The following DPYD variants were observed in gnomAD, a reference collection of about 807,000 sequenced individuals.
The protein encoded by DPYD is dihydropyrimidine dehydrogenase [NADP(+)].
In DPYD, 109 loss-of-function variants were observed where a neutral mutation model predicts 116.2. That is an observed-to-expected ratio of 0.94 (90% CI 0.80 to 1.10). DPYD has a LOEUF of 1.10. Ranked by LOEUF, DPYD falls within the 50% of genes least tolerant of loss-of-function variation. The probability of loss-of-function intolerance (pLI) is 0.00; values close to 1 mark genes in which losing one functional copy is unlikely to be tolerated. For synonymous variants in DPYD, 440 were observed against 432.0 expected, an observed-to-expected ratio of 1.02 and a Z score of -0.23; for missense variants, 1,302 against 1,254.5, an observed-to-expected ratio of 1.04 and a Z score of -0.57.
intron 5 of DPYD, among the ~76,000 whole-genome samples, chr1:97,707,400 G>A (rs930729959): frequency 6.0e-5 from 9 of 151,212 alleles, no homozygotes; most frequent in Non-Finnish European, 1.0e-4. Flanking sequence ...CCACTAACTC[G>A]TCATCTAGCA....
chr1:97,813,160 A>G (rs1245389964), intron 3 of DPYD, among the ~76,000 whole-genome samples: 1 of 152,148 alleles, frequency 6.6e-6, no homozygotes, highest in Admixed American at 6.5e-5. Context: ...GCAATCATCT[A>G]CCTTTAATTA....
chr1:97,355,774 T>C (rs746187779), intron 16 of DPYD, among the ~76,000 whole-genome samples: 4 of 152,210 alleles, frequency 2.6e-5, no homozygotes, highest in African/African-American at 9.6e-5. Flanking sequence ...TTTTTAAGGC[T>C]GAATAGTAGT....
At chr1:97,575,332 G>A (rs1408125326) in intron 10 of DPYD, among the ~76,000 whole-genome samples, 1 of 152,028 alleles carries the variant, frequency 6.6e-6, no homozygotes, top group Non-Finnish European at 1.5e-5. Flanking sequence ...TATCATAATG[G>A]TCTTGTCCCT....
At chr1:97,789,092 T>A (rs1490220047) in intron 3 of DPYD, among the ~76,000 whole-genome samples, 1 of 152,142 alleles carries the variant, frequency 6.6e-6, no homozygotes, top group Admixed American at 6.6e-5. Context: ...AGCTGTTTAA[T>A]GCAAACACCT....
chr1:97,204,958 G>T (rs997082117), intron 19 of DPYD, among the ~76,000 whole-genome samples: 2 of 151,764 alleles, frequency 1.3e-5, no homozygotes, highest in African/African-American at 4.8e-5. Context: ...GATTTAAAGG[G>T]TCCCTTTTGG....
chr1:97,707,878 A>C (rs1662070247), intron 5 of DPYD, among the ~76,000 whole-genome samples: 1 of 151,908 alleles, frequency 6.6e-6, no homozygotes, highest in Non-Finnish European at 1.5e-5. Context: ...GTTGTAAGAG[A>C]CTTTTGGACA....
intron 4 of DPYD, among the ~76,000 whole-genome samples, chr1:97,729,584 A>G (rs1406451691): frequency 1.3e-5 from 2 of 152,150 alleles, no homozygotes; most frequent in African/African-American, 4.8e-5. Context: ...AATAAGAAAT[A>G]CAGAAAGAAA....
chr1:97,374,406 A>T (rs1671480916), intron 15 of DPYD, among the ~76,000 whole-genome samples: 1 of 152,160 alleles, frequency 6.6e-6, no homozygotes, highest in Non-Finnish European at 1.5e-5. Flanking sequence ...AAGAACATGA[A>T]GAATAAACAA....
chr1:97,589,076 G>T (rs185916870), intron 10 of DPYD, among the ~76,000 whole-genome samples: 2 of 152,270 alleles, frequency 1.3e-5, no homozygotes, highest in Admixed American at 1.3e-4. Context: ...AGCAATCTGT[G>T]TTTAACAAGC....
At chr1:97,593,507 T>C (rs1469161824) in intron 9 of DPYD, 120 bp from the exon 10 acceptor site, 2 of 1,126,674 alleles carry the variant, frequency 1.8e-6, no homozygotes, top group Non-Finnish European at 2.6e-6. Context: ...CAGGATGAAG[T>C]GTCACTATCA....
At chr1:97,125,012 A>G (rs1652726242) in intron 20 of DPYD, among the ~76,000 whole-genome samples, 1 of 152,082 alleles carries the variant, frequency 6.6e-6, no homozygotes, top group Admixed American at 6.6e-5. Context: ...TAAAACTGCA[A>G]CTTCAAAACT....
chr1:97,561,134 A>G (rs1652115546), intron 11 of DPYD, among the ~76,000 whole-genome samples: 1 of 152,208 alleles, frequency 6.6e-6, no homozygotes, highest in Non-Finnish European at 1.5e-5. Flanking sequence ...ACAACAAAAA[A>G]GAAATTAAAT....
intron 2 of DPYD, among the ~76,000 whole-genome samples, chr1:97,835,369 TAC>T (rs1557997822): frequency 1.3e-5 from 2 of 152,110 alleles, no homozygotes; most frequent in South Asian, 2.1e-4. Flanking sequence ...TGAAAATATA[TAC>T]ATTGTTCAAA....
chr1:97,209,913 T>G (rs1659924473), intron 19 of DPYD, among the ~76,000 whole-genome samples: 1 of 152,212 alleles, frequency 6.6e-6, no homozygotes, highest in Non-Finnish European at 1.5e-5. Context: ...TATATTTGCA[T>G]GCCTACATCT....
chr1:97,721,741 CATT>C (rs773693508), intron 4 of DPYD, 70 bp from the exon 5 acceptor site: 4 of 1,435,396 alleles, frequency 2.8e-6, no homozygotes, highest in South Asian at 1.2e-5. Flanking sequence ...TTACGACAAA[CATT>C]ATTTCTTCTA....
At chr1:97,557,472 C>T (rs991120181) in intron 11 of DPYD, among the ~76,000 whole-genome samples, 10 of 151,908 alleles carry the variant, frequency 6.6e-5, no homozygotes, top group South Asian at 2.1e-4. Flanking sequence ...CTTGTCACCA[C>T]GCACAGCTAA....
At chr1:97,647,446 C>A (rs2100833754) in intron 8 of DPYD, among the ~76,000 whole-genome samples, 1 of 152,020 alleles carries the variant, frequency 6.6e-6, no homozygotes, top group South Asian at 2.1e-4. Context: ...AGAACAATAA[C>A]AGAACCAGTA....
intron 8 of DPYD, among the ~76,000 whole-genome samples, chr1:97,661,433 T>C (rs1355300595): frequency 2.0e-5 from 3 of 152,214 alleles, no homozygotes; most frequent in Admixed American, 1.3e-4. Flanking sequence ...GCATAATGCA[T>C]ATTTTCCTCC....
At chr1:97,118,543 G>T (rs1466308458) in intron 20 of DPYD, among the ~76,000 whole-genome samples, 1 of 152,056 alleles carries the variant, frequency 6.6e-6, no homozygotes, top group Non-Finnish European at 1.5e-5. Flanking sequence ...AAAAAAACAT[G>T]GTTCAACAAT....
Sources: gnomAD v4.1 joint callset for allele counts (sites outside exome capture counted in the v4.1 genomes callset) on GRCh38, gnomAD v4.1.1 for gene constraint, MANE v1.5 for transcripts, NCBI Gene and HGNC (gene_info 2026-07-23, HGNC 2026-07-21) for gene names.